The following DLGAP2 variants were observed in gnomAD, a reference collection of about 807,000 sequenced individuals.
DLGAP2 encodes the protein disks large-associated protein 2.
In DLGAP2, 26 loss-of-function variants were observed where a neutral mutation model predicts 100.3. The ratio of observed to expected loss-of-function variants is 0.26; its 90% CI spans 0.19 to 0.36. DLGAP2 has a LOEUF of 0.36. Ranked by LOEUF, DLGAP2 falls within the 10% of genes least tolerant of loss-of-function variation. The pLI is 1.00. For missense variants in DLGAP2, 1,858 were observed against 1,453.2 expected, an observed-to-expected ratio of 1.28 and a Z score of -4.53; for synonymous variants, 886 against 630.1, an observed-to-expected ratio of 1.41 and a Z score of -6.08.
intron 2 of DLGAP2, among the ~76,000 whole-genome samples, chr8:1,118,825 A>G (rs547407898): frequency 2.0e-5 from 3 of 152,338 alleles, no homozygotes; most frequent in East Asian, 3.9e-4. Context: ...ACTTCCTGGA[A>G]TGATACAATT....
At position 1,056,430 on chromosome 8, in the gene DLGAP2, A is replaced by G. The variant is rs1385153988; in HGVS notation, c.73+148464A>G. ...TCTCTTTTTCCTAGTTTGCTTATTT[A>G]CATGTCTTAATTTTGGAACTTTTTT... On this transcript the variant is annotated intron_variant, in intron 2 of 14. Transcript: ENST00000637795. Among the ~76,000 whole-genome samples, 3 of 152,070 alleles carry G rather than the reference A, an allele frequency of 2.0e-5. No homozygotes were observed. The South Asian group carries it at 6.2e-4, about 32-fold the overall frequency.
intron 2 of DLGAP2, among the ~76,000 whole-genome samples, chr8:1,078,866 C>T (rs963819242): frequency 2.0e-5 from 3 of 152,184 alleles, no homozygotes; most frequent in African/African-American, 7.2e-5. Context: ...ACTGTAAACA[C>T]TTGTGTGCAG....
intron 3 of DLGAP2, among the ~76,000 whole-genome samples, chr8:1,370,853 C>G (rs77226493): frequency 5.3e-5 from 8 of 152,292 alleles, no homozygotes; most frequent in African/African-American, 1.7e-4. Context: ...GAGTAACGCA[C>G]CACACAGGAC....
chr8:1,698,673 T>TCCAA (rs1799479005), intron 14 of DLGAP2, among the ~76,000 whole-genome samples: 1 of 132,212 alleles, frequency 7.6e-6, no homozygotes, highest in Non-Finnish European at 1.6e-5. Flanking sequence ...GACAGGTCAG[T>TCCAA]GTAAGCCATG....
intron 1 of DLGAP2, among the ~76,000 whole-genome samples, chr8:747,039 C>A (rs564965338): frequency 6.6e-6 from 1 of 152,088 alleles, no homozygotes; most frequent in African/African-American, 2.4e-5. Context: ...GGGCCCCTTG[C>A]CCTGGGCCTG....
At chr8:1,134,634 A>G (rs912767568) in intron 2 of DLGAP2, among the ~76,000 whole-genome samples, 13 of 152,320 alleles carry the variant, frequency 8.5e-5, no homozygotes, top group Middle Eastern at 3.4e-3. Flanking sequence ...TCGTTTTCAC[A>G]CTGCTATAAA....
chr8:938,221 G>A (rs1416381273), intron 2 of DLGAP2, among the ~76,000 whole-genome samples: 1 of 152,022 alleles, frequency 6.6e-6, no homozygotes, highest in Admixed American at 6.5e-5. Flanking sequence ...GTCTCTCTCT[G>A]TTGCCCAGGC....
intron 1 of DLGAP2, among the ~76,000 whole-genome samples, chr8:872,965 T>G (rs1797626653): frequency 6.6e-6 from 1 of 152,112 alleles, no homozygotes; most frequent in Non-Finnish European, 1.5e-5. Flanking sequence ...CCTACACACA[T>G]CCTCCTGCAT....
At chr8:1,077,355 A>G (rs1803654654) in intron 2 of DLGAP2, among the ~76,000 whole-genome samples, 1 of 152,200 alleles carries the variant, frequency 6.6e-6, no homozygotes, top group Non-Finnish European at 1.5e-5. Context: ...CACACCTGTT[A>G]GTAAACACTC....
chr8:1,500,672 TGGAG>T (rs1448987674), intron 3 of DLGAP2, among the ~76,000 whole-genome samples: 2 of 152,350 alleles, frequency 1.3e-5, no homozygotes, highest in Non-Finnish European at 2.9e-5. Flanking sequence ...GCCCCACACA[TGGAG>T]GGAAGACAGT....
intron 2 of DLGAP2, among the ~76,000 whole-genome samples, chr8:1,136,353 C>T (rs547733878): frequency 5.9e-5 from 9 of 152,162 alleles, no homozygotes; most frequent in Middle Eastern, 3.2e-3. Context: ...ACTCAGATGC[C>T]CCGCAGCCTG....
chr8:1,655,317 A>G (rs575524415), intron 8 of DLGAP2, among the ~76,000 whole-genome samples: 5 of 152,300 alleles, frequency 3.3e-5, no homozygotes, highest in South Asian at 2.1e-4. Context: ...AGTTTGTCCA[A>G]TATTCATTCT....
At chr8:1,509,837 G>T (rs928156359) in intron 4 of DLGAP2, among the ~76,000 whole-genome samples, 1 of 152,194 alleles carries the variant, frequency 6.6e-6, no homozygotes, top group Non-Finnish European at 1.5e-5. Flanking sequence ...TAGTATCATT[G>T]TCATCATTGC....
Position 1,430,025 on chromosome 8 carries a change from TATAC to T in DLGAP2, c.107-71339_107-71336del, listed in dbSNP as rs1204583317. On this transcript the variant is annotated intron_variant, in intron 3 of 14. Transcript: ENST00000637795. ...ATATATACATATATATATATATATA[TATAC>T]ACACACACACATATGAACTTAGAAT... Among the ~76,000 whole-genome samples the T allele has an allele frequency of 1.0e-4, 10 of 98,800 alleles. No individual in the cohort carries two copies. The South Asian group carries it at 1.5e-3, about 14-fold the overall frequency. The allele number at this position is 98,800 out of a possible 152,430, so 64.8% of individuals were successfully genotyped here.
chr8:847,126 A>G (rs912490360), intron 1 of DLGAP2, among the ~76,000 whole-genome samples: 4 of 152,192 alleles, frequency 2.6e-5, no homozygotes, highest in Non-Finnish European at 5.9e-5. Flanking sequence ...TTCTTTGTGG[A>G]AAGATTTTAA....
chr8:1,486,405 G>A (rs186467655), intron 3 of DLGAP2, among the ~76,000 whole-genome samples: 26 of 152,306 alleles, frequency 1.7e-4, no homozygotes, highest in African/African-American at 5.3e-4. Flanking sequence ...GTCCTCTCTG[G>A]ATCTGTGTTG....
At chr8:1,507,409 T>C (rs1799961812) in intron 4 of DLGAP2, among the ~76,000 whole-genome samples, 1 of 152,112 alleles carries the variant, frequency 6.6e-6, no homozygotes, top group Non-Finnish European at 1.5e-5. Flanking sequence ...TGCTGAGCCC[T>C]TCACTGCCCC....
intron 2 of DLGAP2, among the ~76,000 whole-genome samples, chr8:930,561 A>G (rs1273991155): frequency 2.0e-5 from 3 of 152,186 alleles, no homozygotes; most frequent in African/African-American, 2.4e-5. Flanking sequence ...GAGATATTCT[A>G]GTTAGTGGAG....
chr8:1,692,951 G>C (rs970680873), intron 13 of DLGAP2, among the ~76,000 whole-genome samples: 2 of 147,922 alleles, frequency 1.4e-5, no homozygotes, highest in African/African-American at 2.5e-5. Flanking sequence ...TTCTGGCAGA[G>C]CAGAAAAGCT....
Sources: gnomAD v4.1 joint callset for allele counts (sites outside exome capture counted in the v4.1 genomes callset) on GRCh38, gnomAD v4.1.1 for gene constraint, MANE v1.5 for transcripts, NCBI Gene and HGNC (gene_info 2026-07-23, HGNC 2026-07-21) for gene names.